Variants in KLHL13 observed in about 807,000 individuals in gnomAD.
KLHL13 encodes kelch like family member 13, also known as kelch-like protein 13.
In KLHL13, 10 loss-of-function variants were observed where a neutral mutation model predicts 37.1. The observed-to-expected ratio is 0.27, with a 90% CI of 0.17 to 0.46. The LOEUF is 0.46. Among genes scored for constraint, KLHL13 ranks in the 20% least tolerant of loss-of-function variants. KLHL13 has a pLI of 1.00. For synonymous variants in KLHL13, 163 were observed against 181.2 expected, an observed-to-expected ratio of 0.90 and a Z score of 0.81; for missense variants, 360 against 509.3, an observed-to-expected ratio of 0.71 and a Z score of 2.82.
At chrX:117,910,012 C>T (rs755717479) in exon 5 of KLHL13, 8 of 1,207,888 alleles carry the variant, frequency 6.6e-6, no homozygotes, top group Middle Eastern at 2.3e-4. Context: ...TTCTTCAAGA[C>T]GAAACTGTTA....
intron 1 of KLHL13, among the ~76,000 whole-genome samples, chrX:117,950,411 G>C (rs1236971328): frequency 3.1e-4 from 35 of 111,683 alleles, no homozygotes; most frequent in African/African-American, 1.1e-3. Context: ...AGGGTGCAGT[G>C]AGCCGAGACT....
intron 1 of KLHL13, among the ~76,000 whole-genome samples, chrX:118,097,811 G>A (rs1315039607): frequency 1.8e-5 from 2 of 111,657 alleles, no homozygotes; most frequent in African/African-American, 3.3e-5. Context: ...CAAACTGGAG[G>A]AAAACAAGCA....
At chrX:117,909,796 C>T in exon 5 of KLHL13, 1 of 1,211,745 alleles carries the variant, frequency 8.3e-7, no homozygotes, top group Non-Finnish European at 1.1e-6. Flanking sequence ...TTAATGAGCT[C>T]CTGTGGTGTC....
chrX:118,099,991 T>C (rs1030631882), intron 1 of KLHL13, among the ~76,000 whole-genome samples: 45 of 111,651 alleles, frequency 4.0e-4, no homozygotes, highest in African/African-American at 1.4e-3. Flanking sequence ...ATACTATTTA[T>C]ATAACAAATC....
intron 1 of KLHL13, among the ~76,000 whole-genome samples, chrX:118,035,817 A>C (rs2054430897): frequency 9.5e-6 from 1 of 105,204 alleles, no homozygotes; most frequent in African/African-American, 3.8e-5. Flanking sequence ...CTGTTTGCAG[A>C]CGACATGATT....
chrX:118,033,809 A>G (rs1396059794), intron 1 of KLHL13, among the ~76,000 whole-genome samples: 2 of 110,141 alleles, frequency 1.8e-5, no homozygotes, highest in Non-Finnish European at 3.8e-5. Context: ...TTGGATAAAG[A>G]GTCAAGACCC....
intron 1 of KLHL13, among the ~76,000 whole-genome samples, chrX:118,077,407 G>A (rs1280346354): frequency 1.8e-5 from 2 of 109,296 alleles, no homozygotes; most frequent in African/African-American, 3.3e-5. Flanking sequence ...GGGTGTGGGA[G>A]TATAAAAGTA....
intron 1 of KLHL13, chrX:117,983,643 A>G (rs1426974692): frequency 2.1e-6 from 1 of 485,418 alleles, no homozygotes; most frequent in Non-Finnish European, 3.4e-6. Context: ...TTAGCTGTAA[A>G]TTAATAAACC....
intron 1 of KLHL13, among the ~76,000 whole-genome samples, chrX:118,095,705 T>G (rs1160349046): frequency 8.9e-6 from 1 of 112,130 alleles, no homozygotes; most frequent in East Asian, 2.8e-4. Context: ...CAGATCACAG[T>G]GCAATCAAAG....
At chrX:118,073,754 G>C (rs1283830107) in intron 1 of KLHL13, among the ~76,000 whole-genome samples, 1 of 111,619 alleles carries the variant, frequency 9.0e-6, no homozygotes, top group Admixed American at 9.5e-5. Context: ...TGTATGTCCA[G>C]CTTACTTTTG....
intron 1 of KLHL13, among the ~76,000 whole-genome samples, chrX:118,023,332 A>G (rs979840617): frequency 3.3e-4 from 37 of 111,181 alleles, no homozygotes; most frequent in Non-Finnish European, 3.0e-4. Context: ...TTTTCATATT[A>G]TAAGTGCAAG....
chrX:118,094,527 G>A (rs1432551857), intron 1 of KLHL13, among the ~76,000 whole-genome samples: 3 of 110,751 alleles, frequency 2.7e-5, no homozygotes, highest in Non-Finnish European at 3.8e-5. Flanking sequence ...TCAGATTCAG[G>A]AAATACAGAG....
At chrX:118,068,469 C>T (rs1027647447) in intron 1 of KLHL13, among the ~76,000 whole-genome samples, 2 of 111,306 alleles carry the variant, frequency 1.8e-5, no homozygotes, top group African/African-American at 6.6e-5. Flanking sequence ...ACTCCATCAC[C>T]CCATCCCCCA....
intron 1 of KLHL13, among the ~76,000 whole-genome samples, chrX:118,063,790 A>G (rs2054767366): frequency 8.9e-6 from 1 of 111,775 alleles, no homozygotes; most frequent in African/African-American, 3.2e-5. Context: ...TAAAGAATTA[A>G]GCTAGATTTA....
chrX:117,994,644 C>G (rs1359602233), intron 1 of KLHL13, among the ~76,000 whole-genome samples: 1 of 112,237 alleles, frequency 8.9e-6, no homozygotes, highest in African/African-American at 3.2e-5. Flanking sequence ...GTTCCAGTCT[C>G]ACTGGGCACA....
intron 1 of KLHL13, among the ~76,000 whole-genome samples, chrX:118,110,799 C>T: frequency 9.0e-6 from 1 of 111,530 alleles, no homozygotes; most frequent in Middle Eastern, 4.2e-3. Flanking sequence ...TACCCCCACC[C>T]CCACAAAAGA....
intron 1 of KLHL13, among the ~76,000 whole-genome samples, chrX:118,098,841 C>T (rs1359358895): frequency 2.0e-5 from 2 of 101,420 alleles, no homozygotes; most frequent in Admixed American, 1.1e-4. Flanking sequence ...AACCAAACAC[C>T]GCATGTTCTC....
At chrX:117,950,495 C>A (rs763962002) in intron 1 of KLHL13, among the ~76,000 whole-genome samples, 66 of 111,690 alleles carry the variant, frequency 5.9e-4, no homozygotes, top group African/African-American at 2.0e-3. Flanking sequence ...AAAAGAAAGT[C>A]TCTTGCATTA....
At chrX:117,990,527 G>A (rs1377591051) in intron 1 of KLHL13, among the ~76,000 whole-genome samples, 1 of 111,778 alleles carries the variant, frequency 8.9e-6, no homozygotes, top group African/African-American at 3.3e-5. Flanking sequence ...ATATTCTTTG[G>A]ACTGTTAAAT....
Sources: gnomAD v4.1 joint callset for allele counts (sites outside exome capture counted in the v4.1 genomes callset) on GRCh38, gnomAD v4.1.1 for gene constraint, MANE v1.5 for transcripts, NCBI Gene and HGNC (gene_info 2026-07-23, HGNC 2026-07-21) for gene names.